CCDC25: variants seen among roughly 807,000 people sequenced by gnomAD.
The protein encoded by CCDC25 is coiled-coil domain containing 25.
In CCDC25, 16 loss-of-function variants were observed where a neutral mutation model predicts 35.3. That is an observed-to-expected ratio of 0.45 (90% confidence interval 0.31 to 0.69). The LOEUF is 0.69. CCDC25 is among the 30% of genes least tolerant of loss of function. CCDC25 has a pLI of 0.06. For synonymous variants in CCDC25, 79 were observed against 80.3 expected, an observed-to-expected ratio of 0.98 and a Z score of 0.09; for missense variants, 179 against 250.7, an observed-to-expected ratio of 0.71 and a Z score of 1.93.
chr8:27,744,043 G>A (rs1026716875), intron 7 of CCDC25, among the ~76,000 whole-genome samples: 2 of 152,182 alleles, frequency 1.3e-5, no homozygotes, highest in African/African-American at 4.8e-5. Flanking sequence ...TTTCCCCTCA[G>A]TTAATACAAA....
Position 27,768,290 on chromosome 8 carries a change from C to T in CCDC25, c.29-3039G>A, listed in dbSNP as rs1049997232. On this transcript the variant is annotated intron_variant, in intron 1 of 8. Transcript: ENST00000356537. The stretch of plus-strand genomic sequence containing the variant: ...TGTCATAATAGAAAATTAGTCTGGG[C>T]GCAGTGGCTCATGCATGTAATCCCA... Among the ~76,000 whole-genome samples the T allele has an allele frequency of 3.3e-5, 5 of 152,126 alleles. No homozygotes were observed. In the South Asian group the frequency reaches 6.2e-4, roughly 19 times the overall value.
At chr8:27,754,138 GAAAAACA>G (rs772478383) in intron 4 of CCDC25, among the ~76,000 whole-genome samples, 26 of 151,766 alleles carry the variant, frequency 1.7e-4, no homozygotes, top group Non-Finnish European at 3.4e-4. Flanking sequence ...AGAAAATAAT[GAAAAACA>G]AAAAACAAAA....
Position 27,740,480 on chromosome 8 carries a change from A to G in CCDC25, c.589T>C (p.Ser197Pro). 1 of 1,613,142 alleles carries G rather than the reference A, an allele frequency of 6.2e-7. No individual in the cohort carries two copies. The highest frequency in any genetic ancestry group is 8.5e-7 in the Non-Finnish European group (1 of 1,179,576). ...SSLMKVENMS[S>P]NQDGNDSDEF... is the part of the protein sequence containing the mutation. ...AAACCACTTGAACATACCTGATTTG[A>G]AGACATATTTTCAACTTTCATTAGT... The change falls in exon 8 of 9, where the codon TCA (serine) becomes CCA (proline). Residue 197 changes from serine to proline, a missense_variant. By Grantham distance (74) the Ser-to-Pro change is moderately conservative (BLOSUM62 -1). Coordinates refer to ENST00000356537, the MANE Select transcript of CCDC25 (RefSeq NM_018246.3).
At chr8:27,752,782 G>A in intron 4 of CCDC25, 195 bp from the exon 5 acceptor site, 2 of 243,320 alleles carry the variant, frequency 8.2e-6, no homozygotes, top group African/African-American at 2.4e-5. Flanking sequence ...AGAGAAGGCT[G>A]TAATATGAAA....
At chr8:27,772,436 G>A (rs1804661231) in intron 1 of CCDC25, 77 bp downstream of exon 1, 1 of 1,421,962 alleles carries the variant, frequency 7.0e-7, no homozygotes. Context: ...CGAGGGTCAG[G>A]CGCAGCGGCG....
rs75597446 is a variant in CCDC25 at position 27,738,718 on chromosome 8, G to A, written c.597+1754C>T. Reference sequence around the variant, plus strand: ...GACTAAGGTCATGAAATAATATGGGGGCTAGATTTCTGGTGGAAAGTGCCT... The same window carrying A: ...GACTAAGGTCATGAAATAATATGGGAGCTAGATTTCTGGTGGAAAGTGCCT... On this transcript the variant is annotated intron_variant, in intron 8 of 8. Coordinates refer to ENST00000356537, the MANE Select transcript of CCDC25 (RefSeq NM_018246.3). Among the ~76,000 whole-genome samples, 185 of 152,122 alleles carry A rather than the reference G, an allele frequency of 1.2e-3. 1 individual carries two copies. The highest frequency in any genetic ancestry group is 4.0e-3 in the African/African-American group (167 of 41,492).
Position 27,752,583 on chromosome 8 carries a change from T to C in CCDC25, c.173A>G (p.Glu58Gly). The change falls in exon 5 of 9, where the codon GAG becomes GGG. Residue 58 changes from glutamate to glycine, a missense_variant. Physicochemically the swap from Glu to Gly is moderately conservative, Grantham distance 98. Transcript: ENST00000356537. Reference protein sequence around the residue: ...AHVYLRLHKGENIEDIPKEVL... With the variant: ...AHVYLRLHKGGNIEDIPKEVL... ...TTCCTTTGGGATGTCTTCTATATTC[T>C]CTCCCTGAAACACAAAAATAAACCA... 6.2e-7 allele frequency: 1 copy of C among 1,612,842 alleles called. No homozygotes were observed. Among genetic ancestry groups the C allele is most frequent in the African/African-American group, 1.3e-5 (1 of 74,916 alleles).
Position 27,734,344 on chromosome 8 carries a change from C to G in CCDC25, c.*1872G>C, listed in dbSNP as rs1211207217. The G allele has an allele frequency of 2.0e-5, 3 of 152,148 alleles. No homozygotes were observed. The highest frequency in any genetic ancestry group is 2.9e-5 in the Non-Finnish European group (2 of 68,038). The allele number at this position is 152,148 out of a possible 1,614,324, so 9.4% of individuals were successfully genotyped here. A position where few individuals can be genotyped will look rare whatever the true frequency, so the allele number is the denominator to read the frequency against. ...CGACATTGGCAAAGTGACTCAGACC[C>G]ACAGCACAGATTTGATCAAGGGCAC... On this transcript the variant is annotated 3_prime_UTR_variant, in exon 9 of 9. Transcript: ENST00000356537.
At chr8:27,736,295 T>C in intron 8 of CCDC25, 50 bp from the exon 9 acceptor site, 1 of 1,432,940 alleles carries the variant, frequency 7.0e-7, no homozygotes, top group South Asian at 1.2e-5. Context: ...AATAATTCAA[T>C]ATTTAAAATT....
chr8:27,752,874 T>A (rs1351336387), intron 4 of CCDC25: 1 of 216,572 alleles, frequency 4.6e-6, no homozygotes, highest in African/African-American at 2.3e-5. Flanking sequence ...TAATTATAAT[T>A]ATGTCTGAGT....
At chr8:27,759,618 A>G (rs918722146) in intron 3 of CCDC25, among the ~76,000 whole-genome samples, 1 of 150,374 alleles carries the variant, frequency 6.7e-6, no homozygotes, top group Non-Finnish European at 1.5e-5. Context: ...CAAAAAAAAA[A>G]AAAAAAAAAA....
At position 27,766,251 on chromosome 8, in the gene CCDC25, C is replaced by A. The variant is rs1187731473; in HGVS notation, c.29-1000G>T. On this transcript the variant is annotated intron_variant, in intron 1 of 8. Transcript: ENST00000356537. The stretch of plus-strand genomic sequence containing the variant: ...ATAAGTGCAGGGTTGGGCTGAACAG[C>A]CTGCTGGCTATCACTCCACAGCACA... Among the ~76,000 whole-genome samples, 3 of 152,222 alleles carry A rather than the reference C, an allele frequency of 2.0e-5. No homozygotes were observed. In the East Asian group the frequency reaches 5.8e-4, roughly 29 times the overall value.
intron 2 of CCDC25, chr8:27,764,274 A>T: frequency 5.6e-6 from 1 of 179,188 alleles, no homozygotes; most frequent in East Asian, 1.9e-4. Context: ...ATACATACAT[A>T]CATTCACTTA....
intron 3 of CCDC25, among the ~76,000 whole-genome samples, chr8:27,757,078 A>C (rs17477830): frequency 0.37 from 56,890 of 152,038 alleles, 11,656 homozygotes; most frequent in Middle Eastern, 0.46. Context: ...CAAAGGCTTC[A>C]TGATAAAAAG....
At chr8:27,746,448 G>T (rs1267519284) in intron 7 of CCDC25, among the ~76,000 whole-genome samples, 2 of 152,144 alleles carry the variant, frequency 1.3e-5, no homozygotes, top group African/African-American at 4.8e-5. Flanking sequence ...ATTCAATGTT[G>T]TAAGTAAATT....
intron 3 of CCDC25, among the ~76,000 whole-genome samples, chr8:27,760,763 G>A (rs921524467): frequency 1.3e-5 from 2 of 152,206 alleles, no homozygotes; most frequent in Admixed American, 6.5e-5. Context: ...TTAACTTGAT[G>A]ACATATTTGG....
chr8:27,747,291 AAGGCAGTGGTCAGAC>A lies in CCDC25; in HGVS notation c.551+771_551+785del, dbSNP rs565633962. Among the ~76,000 whole-genome samples, 151 of 152,300 alleles carry A rather than the reference AAGGCAGTGGTCAGAC, an allele frequency of 9.9e-4. 1 individual carries two copies. The highest frequency in any genetic ancestry group is 3.5e-3 in the African/African-American group (145 of 41,578). The stretch of plus-strand genomic sequence containing the variant: ...ATCACACTGTTCCTTAAAAGCAGAA[AAGGCAGTGGTCAGAC>A]AGGGGGCTGTGACCATGGAAAGCTT... On this transcript the variant is annotated intron_variant, in intron 7 of 8. Transcript: ENST00000356537.
intron 2 of CCDC25, among the ~76,000 whole-genome samples, chr8:27,763,261 T>C (rs1344379395): frequency 6.6e-6 from 1 of 152,236 alleles, no homozygotes; most frequent in African/African-American, 2.4e-5. Flanking sequence ...TAAGGTATAT[T>C]TCTAAAAGCT....
At chr8:27,762,285 GA>G (rs1265050588) in intron 3 of CCDC25, 133 bp downstream of exon 3, 12 of 726,758 alleles carry the variant, frequency 1.7e-5, no homozygotes, top group Non-Finnish European at 2.5e-5. Flanking sequence ...AGAAATGAAG[GA>G]ACTGGCAGTC....
Sources: gnomAD v4.1 joint callset for allele counts (sites outside exome capture counted in the v4.1 genomes callset) on GRCh38, gnomAD v4.1.1 for gene constraint, MANE v1.5 for transcripts, NCBI Gene and HGNC (gene_info 2026-07-23, HGNC 2026-07-21) for gene names.